CHCHD3: variants seen among roughly 807,000 people sequenced by gnomAD.
CHCHD3 encodes MICOS complex subunit MIC19.
Under a neutral mutation model 38.2 loss-of-function variants are expected in CHCHD3, and 20 were observed. The ratio of observed to expected loss-of-function variants is 0.52; its 90% CI spans 0.37 to 0.76. The LOEUF (loss-of-function observed/expected upper bound fraction) is 0.76. CHCHD3 is among the 30% of genes least tolerant of loss of function. CHCHD3 has a pLI of 0.00. For missense variants in CHCHD3, 245 were observed against 279.2 expected (o/e 0.88, Z 0.87); for synonymous variants, 82 against 100.0 (o/e 0.82, Z 1.07).
intron 4 of CHCHD3, among the ~76,000 whole-genome samples, chr7:132,955,856 G>A (rs1811152068): frequency 6.6e-6 from 1 of 152,166 alleles, no homozygotes; most frequent in Non-Finnish European, 1.5e-5. Context: ...GGAGCTGACT[G>A]AATAGGATCA....
intron 3 of CHCHD3, among the ~76,000 whole-genome samples, chr7:133,019,478 A>C (rs144256716): frequency 6.6e-6 from 1 of 152,320 alleles, no homozygotes; most frequent in African/African-American, 2.4e-5. Context: ...GAAAAATAAA[A>C]GGACTACACT....
intron 3 of CHCHD3, among the ~76,000 whole-genome samples, chr7:132,991,663 ATGAAATCG>A (rs1281149024): frequency 1.3e-5 from 2 of 152,176 alleles, no homozygotes; most frequent in Non-Finnish European, 2.9e-5. Flanking sequence ...ACCCAGTAAG[ATGAAATCG>A]TTTGAATGCT....
intron 6 of CHCHD3, among the ~76,000 whole-genome samples, chr7:132,837,734 G>A: frequency 6.6e-6 from 1 of 152,090 alleles, no homozygotes; most frequent in East Asian, 1.9e-4. Context: ...ACTAATAGAG[G>A]TTACACAATA....
At chr7:132,977,252 A>G (rs1451753172) in intron 3 of CHCHD3, among the ~76,000 whole-genome samples, 1 of 152,220 alleles carries the variant, frequency 6.6e-6, no homozygotes, top group Non-Finnish European at 1.5e-5. Context: ...TTAGAAATGC[A>G]GCTTCTCTGA....
chr7:133,042,684 GCT>G, intron 2 of CHCHD3, among the ~76,000 whole-genome samples: 1 of 152,230 alleles, frequency 6.6e-6, no homozygotes, highest in Admixed American at 6.5e-5. Context: ...TCTTCTCTCT[GCT>G]ACACATTCCA....
At chr7:132,837,864 A>T (rs1451373765) in intron 6 of CHCHD3, among the ~76,000 whole-genome samples, 1 of 152,232 alleles carries the variant, frequency 6.6e-6, no homozygotes, top group African/African-American at 2.4e-5. Flanking sequence ...CAATTACAGA[A>T]CATTCATTTA....
intron 3 of CHCHD3, among the ~76,000 whole-genome samples, chr7:133,004,820 G>A (rs1812659557): frequency 6.6e-6 from 1 of 151,980 alleles, no homozygotes; most frequent in Non-Finnish European, 1.5e-5. Flanking sequence ...ACCATGGCAC[G>A]GCAAACTGAA....
chr7:132,960,091 T>C (rs2117304508), intron 4 of CHCHD3, among the ~76,000 whole-genome samples: 1 of 152,290 alleles, frequency 6.6e-6, no homozygotes, highest in East Asian at 1.9e-4. Flanking sequence ...GCTTTTTCAC[T>C]TCAACTAAAA....
intron 6 of CHCHD3, 28 bp from the exon 7 acceptor site, chr7:132,796,605 A>T: frequency 6.2e-7 from 1 of 1,603,524 alleles, no homozygotes; most frequent in South Asian, 1.1e-5. Context: ...GACCGCTGAG[A>T]CCAATGGTCT....
At chr7:132,804,627 G>C (rs1307698148) in intron 6 of CHCHD3, among the ~76,000 whole-genome samples, 3 of 152,104 alleles carry the variant, frequency 2.0e-5, no homozygotes, top group Non-Finnish European at 4.4e-5. Flanking sequence ...ATCTCAATGA[G>C]GACTGTGACA....
chr7:133,065,330 T>G (rs1404027138), intron 2 of CHCHD3, among the ~76,000 whole-genome samples: 1 of 152,176 alleles, frequency 6.6e-6, no homozygotes, highest in Non-Finnish European at 1.5e-5. Flanking sequence ...AAAAATTATA[T>G]TTTTTATGAA....
chr7:133,029,498 T>C (rs1314632864), intron 2 of CHCHD3, among the ~76,000 whole-genome samples: 3 of 152,324 alleles, frequency 2.0e-5, no homozygotes, highest in Admixed American at 6.5e-5. Context: ...AGTATTTGTC[T>C]TTCTGTGTCT....
chr7:133,008,979 A>G (rs1394613071), intron 3 of CHCHD3, among the ~76,000 whole-genome samples: 1 of 151,988 alleles, frequency 6.6e-6, no homozygotes, highest in East Asian at 1.9e-4. Context: ...CCAAAAAAAA[A>G]AAAAACAACA....
chr7:132,893,976 T>C (rs2117189036), intron 4 of CHCHD3, among the ~76,000 whole-genome samples: 1 of 152,364 alleles, frequency 6.6e-6, no homozygotes, highest in Non-Finnish European at 1.5e-5. Flanking sequence ...ATATCTGCTA[T>C]TCTCTTAAAT....
rs573904198 is a variant in CHCHD3, at chr7:133,032,320, T to A, written c.170-7693A>T. 2.6e-5 allele frequency among the ~76,000 whole-genome samples: 4 copies of A among 152,258 alleles called. No individual in the cohort carries two copies. The South Asian group carries it at 8.3e-4, about 32-fold the overall frequency. On this transcript the variant is annotated intron_variant, in intron 2 of 7. Transcript: ENST00000262570. Reference sequence around the variant, plus strand: ...GCATCTGTCTACTACCTGGCAGGGGTAACTGTGGCTACTTACGCATTAAAG... The same window carrying A: ...GCATCTGTCTACTACCTGGCAGGGGAAACTGTGGCTACTTACGCATTAAAG...
intron 1 of CHCHD3, among the ~76,000 whole-genome samples, chr7:133,074,278 G>A (rs1814912742): frequency 6.6e-6 from 1 of 152,062 alleles, no homozygotes; most frequent in Admixed American, 6.6e-5. Flanking sequence ...TGTATCTCAG[G>A]GCCCAAACCA....
intron 2 of CHCHD3, among the ~76,000 whole-genome samples, chr7:133,043,438 C>T (rs1297527870): frequency 2.0e-5 from 3 of 152,048 alleles, no homozygotes; most frequent in African/African-American, 7.3e-5. Context: ...CGTCAGGAGT[C>T]TGAGACCAGC....
At chr7:132,917,015 A>C (rs1286360682) in intron 4 of CHCHD3, among the ~76,000 whole-genome samples, 1 of 152,238 alleles carries the variant, frequency 6.6e-6, no homozygotes, top group African/African-American at 2.4e-5. Context: ...TCAGTGGGTA[A>C]GGGAAGATTA....
intron 5 of CHCHD3, among the ~76,000 whole-genome samples, chr7:132,853,603 C>A (rs1808274612): frequency 6.6e-6 from 1 of 152,132 alleles, no homozygotes; most frequent in South Asian, 2.1e-4. Flanking sequence ...GCCTGGGCGA[C>A]AGAGCGATAT....
Sources: gnomAD v4.1 joint callset for allele counts (sites outside exome capture counted in the v4.1 genomes callset) on GRCh38, gnomAD v4.1.1 for gene constraint, MANE v1.5 for transcripts, NCBI Gene and HGNC (gene_info 2026-07-23, HGNC 2026-07-21) for gene names.